The following SPAG16 variants were observed in gnomAD, a reference collection of about 807,000 sequenced individuals.
The protein encoded by SPAG16 is sperm-associated antigen 16 protein.
In SPAG16, 86 loss-of-function variants were observed where a neutral mutation model predicts 80.4. The ratio of observed to expected loss-of-function variants is 1.07; its 90% CI spans 0.90 to 1.28. The LOEUF (loss-of-function observed/expected upper bound fraction) is 1.28. Ranked by LOEUF, SPAG16 falls within the 50% of genes most tolerant of loss-of-function variation. SPAG16 has a pLI of 0.00. For missense variants in SPAG16, 870 were observed against 765.3 expected (o/e 1.14, Z -1.61); for synonymous variants, 294 against 265.9 (o/e 1.11, Z -1.03).
At chr2:214,174,458 C>A (rs1282073234) in intron 15 of SPAG16, among the ~76,000 whole-genome samples, 1 of 151,942 alleles carries the variant, frequency 6.6e-6, no homozygotes, top group Non-Finnish European at 1.5e-5. Context: ...AAAGCCAAAT[C>A]ATGAGTGAAC....
intron 15 of SPAG16, among the ~76,000 whole-genome samples, chr2:214,277,365 G>A (rs1692549070): frequency 6.6e-6 from 1 of 152,108 alleles, no homozygotes; most frequent in Non-Finnish European, 1.5e-5. Context: ...GAGAAGAGGT[G>A]CTCTCGTTTT....
chr2:214,335,653 T>C (rs1697227386), intron 15 of SPAG16, among the ~76,000 whole-genome samples: 1 of 152,028 alleles, frequency 6.6e-6, no homozygotes, highest in Non-Finnish European at 1.5e-5. Context: ...AACTTGGATT[T>C]ATGTAGCTCT....
chr2:213,538,164 ACT>A (rs1488444128), intron 10 of SPAG16, among the ~76,000 whole-genome samples: 6 of 152,104 alleles, frequency 3.9e-5, no homozygotes, highest in African/African-American at 1.4e-4. Context: ...ATTGAAAATG[ACT>A]CTGTTTTCTT....
At chr2:214,164,871 A>C (rs2125613835) in intron 15 of SPAG16, among the ~76,000 whole-genome samples, 1 of 152,220 alleles carries the variant, frequency 6.6e-6, no homozygotes, top group South Asian at 2.1e-4. Flanking sequence ...TAGAAATTTA[A>C]ATGCTCCGGA....
At chr2:213,860,320 T>C (rs1253180788) in intron 10 of SPAG16, among the ~76,000 whole-genome samples, 4 of 149,458 alleles carry the variant, frequency 2.7e-5, no homozygotes, top group Admixed American at 2.0e-4. Flanking sequence ...GTGTGTAGAA[T>C]TACCCACAAA....
chr2:213,818,535 A>C (rs1457023329), intron 10 of SPAG16, among the ~76,000 whole-genome samples: 1 of 152,176 alleles, frequency 6.6e-6, no homozygotes, highest in African/African-American at 2.4e-5. Flanking sequence ...TATATGAATA[A>C]ACTTTGTATG....
In SPAG16 at chr2:214,013,968, C is replaced by G; in HGVS notation, c.1418C>G (p.Thr473Ser). Residue 473 changes from threonine (T) to serine (S), a missense_variant, in exon 13 of 16, where the codon ACT becomes AGT. Coordinates refer to ENST00000331683, the MANE Select transcript of SPAG16 (RefSeq NM_024532.5). The stretch of plus-strand genomic sequence containing the variant: ...CTTTATAGTGAAAGATGCAGATGTA[C>G]TTTGTATGGACATACAGATTCTGTG... ...WDVNSERCRC[T>S]LYGHTDSVNS... 3 of 1,613,158 alleles carry G rather than the reference C, an allele frequency of 1.9e-6. No homozygotes were observed. Among genetic ancestry groups the G allele is most frequent in the Non-Finnish European group, 2.5e-6 (3 of 1,179,504 alleles).
intron 12 of SPAG16, among the ~76,000 whole-genome samples, chr2:213,975,416 A>G (rs912029540): frequency 2.0e-5 from 3 of 151,748 alleles, no homozygotes; most frequent in East Asian, 1.9e-4. Context: ...TAAAATGACA[A>G]TTTATTAACA....
chr2:214,252,541 T>C (rs1217838582), intron 15 of SPAG16, among the ~76,000 whole-genome samples: 1 of 151,470 alleles, frequency 6.6e-6, no homozygotes, highest in Non-Finnish European at 1.5e-5. Context: ...TGAGAATGTG[T>C]GTTTTTTGGT....
chr2:214,202,641 C>T (rs2058041494), intron 15 of SPAG16, among the ~76,000 whole-genome samples: 1 of 152,120 alleles, frequency 6.6e-6, no homozygotes, highest in South Asian at 2.1e-4. Flanking sequence ...AAGCCACATG[C>T]ACTGGCAGGA....
At chr2:214,217,125 T>G (rs537006608) in intron 15 of SPAG16, among the ~76,000 whole-genome samples, 1 of 152,278 alleles carries the variant, frequency 6.6e-6, no homozygotes, top group East Asian at 1.9e-4. Flanking sequence ...GTTACAAAAT[T>G]TTAGTTATTA....
At chr2:213,894,590 C>T (rs111444434) in intron 11 of SPAG16, among the ~76,000 whole-genome samples, 2,815 of 152,138 alleles carry the variant, frequency 0.019, 94 homozygotes, top group African/African-American at 0.065. Flanking sequence ...TACTGGAAAC[C>T]CTGGCCAGAG....
chr2:214,134,333 A>C (rs781341714), intron 14 of SPAG16, among the ~76,000 whole-genome samples: 11 of 152,180 alleles, frequency 7.2e-5, no homozygotes, highest in Non-Finnish European at 1.6e-4. Flanking sequence ...CAAATCCATT[A>C]GGTCTTAATT....
At chr2:214,341,330 G>A (rs1158198025) in intron 15 of SPAG16, among the ~76,000 whole-genome samples, 1 of 150,904 alleles carries the variant, frequency 6.6e-6, no homozygotes, top group Non-Finnish European at 1.5e-5. Flanking sequence ...AATTAAAAGA[G>A]AGGGAGGATA....
intron 12 of SPAG16, among the ~76,000 whole-genome samples, chr2:213,954,898 C>T (rs997342982): frequency 1.3e-5 from 2 of 152,094 alleles, no homozygotes; most frequent in African/African-American, 2.4e-5. Context: ...TTTTAATTTG[C>T]ATTTTCCTGA....
At chr2:213,732,168 G>A (rs1479401507) in intron 10 of SPAG16, among the ~76,000 whole-genome samples, 1 of 152,158 alleles carries the variant, frequency 6.6e-6, no homozygotes, top group Non-Finnish European at 1.5e-5. Flanking sequence ...TTATTAAATA[G>A]GGAATCCTTT....
At position 214,144,248 on chromosome 2, in the gene SPAG16, A is replaced by T. The variant is rs191216146; in HGVS notation, c.1594-4892A>T. On this transcript the variant is annotated intron_variant, in intron 14 of 15. Transcript: ENST00000331683. ...GATATTTGAATAATATATAACTGTT[A>T]TCTTTGAGGAGTTTAATTATTTGTA... Among the ~76,000 whole-genome samples, 8 of 152,308 alleles carry T rather than the reference A, an allele frequency of 5.3e-5. No individual in the cohort carries two copies. The East Asian group carries it at 1.5e-3, about 29-fold the overall frequency.
At chr2:213,658,152 C>T (rs2063287689) in intron 10 of SPAG16, among the ~76,000 whole-genome samples, 1 of 152,094 alleles carries the variant, frequency 6.6e-6, no homozygotes, top group Non-Finnish European at 1.5e-5. Context: ...AAATCCTATG[C>T]CTTTTCTCCT....
chr2:214,317,619 T>C (rs1278274479), intron 15 of SPAG16, among the ~76,000 whole-genome samples: 1 of 152,122 alleles, frequency 6.6e-6, no homozygotes, highest in African/African-American at 2.4e-5. Flanking sequence ...AGGCCAGAGG[T>C]GGTGAAAGTC....
Sources: allele counts gnomAD v4.1 joint callset (sites outside exome capture counted in the v4.1 genomes callset), GRCh38; gene constraint gnomAD v4.1.1; transcripts MANE v1.5; gene names NCBI Gene and HGNC (gene_info 2026-07-23, HGNC 2026-07-21).